Variants in UBTF observed in about 807,000 individuals in gnomAD.
UBTF encodes the protein nucleolar transcription factor 1.
A neutral mutation model predicts 112.3 loss-of-function variants in UBTF; 8 were observed. The ratio of observed to expected loss-of-function variants is 0.07; its 90% CI spans 0.04 to 0.13. The LOEUF (loss-of-function observed/expected upper bound fraction) is 0.13, where lower values mean the gene tolerates loss of function less well. Among genes scored for constraint, UBTF ranks in the 10% least tolerant of loss-of-function variants. UBTF has a pLI of 1.00. For missense variants in UBTF, 457 were observed against 982.1 expected (o/e 0.47, Z 7.15); for synonymous variants, 417 against 373.1 (o/e 1.12, Z -1.36).
chr17:44,207,213 C>T lies in UBTF; in HGVS notation c.*29G>A. The stretch of plus-strand genomic sequence containing the variant: ...TTGGGGAGGGGAGCTCCTGGGCTCT[C>T]CCTGGCTGCCCTGGGGTGGGGCTGA... On this transcript the variant is annotated 3_prime_UTR_variant, in exon 21 of 21. Transcript: ENST00000436088. 6.2e-7 allele frequency: 1 copy of T among 1,612,594 alleles called. No homozygotes were observed. The highest frequency in any genetic ancestry group is 8.5e-7 in the Non-Finnish European group (1 of 1,179,554).
intron 7 of UBTF, 138 bp downstream of exon 7, chr17:44,212,681 G>T: frequency 6.9e-7 from 1 of 1,457,420 alleles, no homozygotes; most frequent in East Asian, 2.3e-5. Flanking sequence ...CAGCTGGCCC[G>T]GGCCCTGTCC....
chr17:44,209,839 GGGA>G (rs1186894224), intron 15 of UBTF, 106 bp from the exon 16 acceptor site: 4 of 1,234,640 alleles, frequency 3.2e-6, no homozygotes, highest in African/African-American at 1.5e-5. Context: ...TTCTGTGCCA[GGGA>G]GGAGGAGAAA....
chr17:44,219,576 C>A lies in UBTF; in HGVS notation c.-199G>T. 6.2e-6 allele frequency: 1 copy of A among 161,370 alleles called. No homozygotes were observed. The highest frequency in any genetic ancestry group is 2.9e-3 in the Middle Eastern group (1 of 342). 10.0% of individuals were successfully genotyped at this position (161,370 alleles called of 1,614,324 possible). ...CGGCGGCAGCGGCTCCTCCTCCGGG[C>A]GAGGCGGCGGCGCTGGGGCGGCGGC... On this transcript the variant is annotated 5_prime_UTR_variant, in exon 1 of 21. Coordinates refer to ENST00000436088, the MANE Select transcript of UBTF (RefSeq NM_014233.4).
At position 44,207,503 on chromosome 17, in the gene UBTF, C is replaced by T; in HGVS notation, c.2120G>A (p.Gly707Asp). ...DENGDSSEDG[G>D]DSSESSSEDE... The stretch of plus-strand genomic sequence containing the variant: ...CTCGCTGCTGGACTCAGAGGAGTCG[C>T]CGCCATCTTCAGAGGAGTCCCCATT... The change falls in exon 20 of 21, where the codon GGC becomes GAC. Residue 707 changes from glycine to aspartate, a missense_variant. Transcript: ENST00000436088. The T allele has an allele frequency of 6.2e-7, 1 of 1,613,996 alleles. No individual in the cohort carries two copies. Among genetic ancestry groups the T allele is most frequent in the Non-Finnish European group, 8.5e-7 (1 of 1,180,004 alleles).
At chr17:44,210,678 G>A in intron 13 of UBTF, 114 bp downstream of exon 13, 3 of 1,462,264 alleles carry the variant, frequency 2.1e-6, no homozygotes, top group South Asian at 1.3e-5. Flanking sequence ...CCACGTCCCA[G>A]CCCAGGCACC....
intron 17 of UBTF, among the ~76,000 whole-genome samples, chr17:44,208,386 T>C (rs1013103487): frequency 6.6e-6 from 1 of 152,228 alleles, no homozygotes; most frequent in African/African-American, 2.4e-5. Flanking sequence ...ATTACAGGCG[T>C]GAGCCACTGC....
intron 5 of UBTF, 73 bp from the exon 6 acceptor site, chr17:44,213,355 C>G: frequency 6.7e-7 from 1 of 1,488,642 alleles, no homozygotes; most frequent in East Asian, 2.3e-5. Context: ...GCCACCCAGA[C>G]CCCTCCTCGC....
chr17:44,219,795 G>C (rs1216754612), upstream of UBTF: 3 of 151,520 alleles, frequency 2.0e-5, 1 homozygote, highest in South Asian at 3.7e-4. Context: ...AGGGAGAAGG[G>C]AGGAGGAGGA....
In UBTF at chr17:44,211,028, C is replaced by T. The variant is rs2056640836; in HGVS notation, c.1203+11G>A. 1 of 1,608,320 alleles carries T rather than the reference C, an allele frequency of 6.2e-7. No homozygotes were observed. The highest frequency in any genetic ancestry group is 8.5e-7 in the Non-Finnish European group (1 of 1,178,376). ...CCCACCCCCGCCTGCGCGGCCGCAC[C>T]CTCTGCCCACCTTGCCCCCTTCCTG... On this transcript the variant is annotated intron_variant, in intron 12 of 20. Coordinates refer to ENST00000436088, the MANE Select transcript of UBTF (RefSeq NM_014233.4). The surrounding 1 kb of genome is among the most constrained non-coding windows in gnomAD (Gnocchi z 4.9).
In UBTF at chr17:44,207,213, C is replaced by A; in HGVS notation, c.*29G>T. The A allele has an allele frequency of 6.2e-7, 1 of 1,612,592 alleles. No homozygotes were observed. ...TTGGGGAGGGGAGCTCCTGGGCTCT[C>A]CCTGGCTGCCCTGGGGTGGGGCTGA... is the stretch of plus-strand genomic sequence containing the variant. On this transcript the variant is annotated 3_prime_UTR_variant, in exon 21 of 21. Coordinates refer to ENST00000436088, the MANE Select transcript of UBTF (RefSeq NM_014233.4).
chr17:44,211,060 C>T lies in UBTF; in HGVS notation c.1182G>A (p.Lys394=), dbSNP rs1435940558. 2 of 1,612,472 alleles carry T rather than the reference C, an allele frequency of 1.2e-6. No homozygotes were observed. Among genetic ancestry groups the T allele is most frequent in the African/African-American group, 1.3e-5 (1 of 75,068 alleles). Reference sequence around the variant, plus strand: ...CCACCTTGCCCCCTTCCTGGGCTGGCTTCTTGGAGGCGGGGCTGGTGGCCT... The same window carrying T: ...CCACCTTGCCCCCTTCCTGGGCTGGTTTCTTGGAGGCGGGGCTGGTGGCCT... ...KKQATSPASK[K]PAQEGGKGGS... The change falls in exon 12 of 21, where the codon AAG becomes AAA. Residue 394 remains lysine (K), a synonymous_variant. Transcript: ENST00000436088. The surrounding 1 kb of genome is among the most constrained non-coding windows in gnomAD (Gnocchi z 4.9).
intron 1 of UBTF, 34 bp from the exon 2 acceptor site, chr17:44,218,330 G>T: frequency 7.5e-7 from 1 of 1,327,240 alleles, no homozygotes; most frequent in Non-Finnish European, 1.1e-6. Context: ...ACTCAGGAAG[G>T]CTGAGAGGTG....
chr17:44,216,471 T>C, intron 3 of UBTF, 58 bp downstream of exon 3: 1 of 1,580,446 alleles, frequency 6.3e-7, no homozygotes, highest in Non-Finnish European at 8.7e-7. Context: ...CTGTTTCACT[T>C]CCCCCACCAC....
chr17:44,209,198 G>A (rs1192092460), intron 17 of UBTF, 154 bp downstream of exon 17: 7 of 732,810 alleles, frequency 9.6e-6, no homozygotes, highest in Non-Finnish European at 1.5e-5. Flanking sequence ...AAATAAAAGG[G>A]TGATAGTGAC....
intron 17 of UBTF, chr17:44,208,905 C>T: frequency 2.8e-6 from 1 of 362,792 alleles, no homozygotes; most frequent in Non-Finnish European, 5.5e-6. Context: ...GTGATAGTGG[C>T]TGCGGACGGT....
chr17:44,215,098 C>T (rs1488493098), intron 5 of UBTF, among the ~76,000 whole-genome samples: 4 of 115,320 alleles, frequency 3.5e-5, no homozygotes, highest in Non-Finnish European at 5.0e-5. Flanking sequence ...TGAGTGAACA[C>T]GTGTGCGTGG....
chr17:44,218,736 T>C (rs890968466), intron 1 of UBTF, among the ~76,000 whole-genome samples: 1 of 149,610 alleles, frequency 6.7e-6, no homozygotes, highest in South Asian at 2.1e-4. Context: ...AGTCTCCTCC[T>C]CCCGCCTCCC....
intron 2 of UBTF, 48 bp from the exon 3 acceptor site, chr17:44,216,752 C>A: frequency 6.3e-7 from 1 of 1,589,154 alleles, no homozygotes; most frequent in Non-Finnish European, 8.6e-7. Flanking sequence ...TGCTATCCCC[C>A]CGATCTGTTC....
chr17:44,220,584 G>A (rs1472657979), upstream of UBTF, among the ~76,000 whole-genome samples: 1 of 152,076 alleles, frequency 6.6e-6, no homozygotes, highest in African/African-American at 2.4e-5. Flanking sequence ...GAAACGGCAA[G>A]GGAACGACGG....
Sources: gnomAD v4.1 joint callset for allele counts (sites outside exome capture counted in the v4.1 genomes callset) on GRCh38, gnomAD v4.1.1 for gene constraint, Gnocchi (gnomAD v3.1) non-coding constraint, MANE v1.5 for transcripts, NCBI Gene and HGNC (gene_info 2026-07-23, HGNC 2026-07-21) for gene names.